Variants in COL10A1 observed in about 807,000 individuals in gnomAD.
COL10A1 encodes the protein collagen type X alpha 1 chain.
Under a neutral mutation model 18.2 loss-of-function variants are expected in COL10A1, and 10 were observed. That is an observed-to-expected ratio of 0.55 (90% CI 0.34 to 0.93). The LOEUF is 0.93. COL10A1 is among the 40% of genes least tolerant of loss of function. The probability of loss-of-function intolerance (pLI) is 0.02; values close to 1 mark genes in which losing one functional copy is unlikely to be tolerated. For missense variants in COL10A1, 897 were observed against 853.5 expected (o/e 1.05, Z -0.64); for synonymous variants, 330 against 316.6 (o/e 1.04, Z -0.45).
At chr6:116,137,615 T>C (rs921955847) in intron 1 of COL10A1, 1 of 212,696 alleles carries the variant, frequency 4.7e-6, no homozygotes, top group Non-Finnish European at 1.0e-5. Flanking sequence ...CGTGCCTCAG[T>C]AGTGGGAAAC....
At chr6:116,163,135 AAAAAAAATATAT>A (rs1463767962), upstream of COL10A1, among the ~76,000 whole-genome samples, 2 of 98,572 alleles carry the variant, frequency 2.0e-5, no homozygotes, top group Non-Finnish European at 4.0e-5. Flanking sequence ...TCAAAAAAAA[AAAAAAAATATAT>A]ATATATATAT....
rs373653304 is a variant in COL10A1 at position 116,125,586 on chromosome 6, C to G, written c.-15-79G>C. On this transcript the variant is annotated intron_variant, in intron 1 of 2. Transcript: ENST00000651968. ...TATTCTCATGTTTCACAGATGAGTT[C>G]TTTATACAGTTATCTACTTTTTTAA... 320 of 1,273,516 alleles carry G rather than the reference C, an allele frequency of 2.5e-4. 1 individual carries two copies. In the South Asian group the frequency reaches 3.5e-3, roughly 14 times the overall value. 78.9% of individuals were successfully genotyped at this position (1,273,516 alleles called of 1,614,324 possible). A position where few individuals can be genotyped will look rare whatever the true frequency, so the allele number is the denominator to read the frequency against.
intron 1 of COL10A1, among the ~76,000 whole-genome samples, chr6:116,139,624 G>T (rs564069075): frequency 7.0e-4 from 106 of 152,126 alleles, no homozygotes; most frequent in African/African-American, 2.5e-3. Context: ...TTAAAATTTG[G>T]TTGTTTTACT....
chr6:116,196,659 T>C, the COL10A1 span, among the ~76,000 whole-genome samples: 1 of 152,042 alleles, frequency 6.6e-6, no homozygotes, highest in Non-Finnish European at 1.5e-5. Context: ...ATAGTGTTTC[T>C]TTGTGTCTGC....
At chr6:116,172,393 C>G in the COL10A1 span, among the ~76,000 whole-genome samples, 1 of 142,592 alleles carries the variant, frequency 7.0e-6, no homozygotes, top group Non-Finnish European at 1.5e-5. Context: ...ACAATCTTGG[C>G]TCGCTGCAAC....
the COL10A1 span, among the ~76,000 whole-genome samples, chr6:116,198,359 TG>T: frequency 1.3e-5 from 2 of 152,054 alleles, no homozygotes; most frequent in African/African-American, 2.4e-5. Flanking sequence ...GACCATTATA[TG>T]TAACTGTGCT....
the COL10A1 span, among the ~76,000 whole-genome samples, chr6:116,168,765 A>G: frequency 1.3e-5 from 2 of 152,088 alleles, no homozygotes; most frequent in African/African-American, 4.8e-5. Flanking sequence ...ACTTTTCTAC[A>G]GAGAAAAATG....
the COL10A1 span, among the ~76,000 whole-genome samples, chr6:116,201,731 G>A: frequency 2.0e-5 from 3 of 151,966 alleles, no homozygotes; most frequent in Non-Finnish European, 2.9e-5. Flanking sequence ...ACATGCAGCC[G>A]AAAGAAACAC....
intron 1 of COL10A1, among the ~76,000 whole-genome samples, chr6:116,143,758 G>A (rs944851395): frequency 4.6e-5 from 7 of 152,102 alleles, no homozygotes; most frequent in Admixed American, 3.3e-4. Context: ...TAGGAAGTAA[G>A]TTATTCAGTC....
At chr6:116,211,086 T>C in the COL10A1 span, among the ~76,000 whole-genome samples, 3 of 152,032 alleles carry the variant, frequency 2.0e-5, no homozygotes, top group Non-Finnish European at 4.4e-5. Flanking sequence ...CTTAAAACAC[T>C]TGCTCTGGGG....
At chr6:116,132,623 A>G (rs1400684289) in intron 1 of COL10A1, among the ~76,000 whole-genome samples, 1 of 152,120 alleles carries the variant, frequency 6.6e-6, no homozygotes, top group Non-Finnish European at 1.5e-5. Context: ...TTTATTATGC[A>G]CATCCCCTGG....
chr6:116,147,711 A>G (rs143484859), intron 1 of COL10A1, among the ~76,000 whole-genome samples: 1 of 152,214 alleles, frequency 6.6e-6, no homozygotes, highest in South Asian at 2.1e-4. Flanking sequence ...TTAAATGCAC[A>G]TTCACCCAAG....
In COL10A1 at chr6:116,145,785, TA is replaced by T. The variant is rs369815320; in HGVS notation, c.-16+12828del. On this transcript the variant is annotated intron_variant, in intron 1 of 1. Coordinates refer to the COL10A1 transcript ENST00000418500. The stretch of plus-strand genomic sequence containing the variant: ...ACCAATTCATTTTTTATTTAGTTTT[TA>T]ATTTACTATTTTATTTTTAGCAGTA... 2.6e-3 allele frequency among the ~76,000 whole-genome samples: 395 copies of T among 152,380 alleles called. 10 individuals carry two copies. In the South Asian group the frequency reaches 0.043, roughly 17 times the overall value.
intron 1 of COL10A1, among the ~76,000 whole-genome samples, chr6:116,144,995 A>G (rs957791173): frequency 5.9e-5 from 9 of 152,216 alleles, no homozygotes; most frequent in African/African-American, 2.2e-4. Flanking sequence ...GTTCAATTAG[A>G]GAATGTATTA....
chr6:116,211,736 A>G, the COL10A1 span, among the ~76,000 whole-genome samples: 1 of 152,078 alleles, frequency 6.6e-6, no homozygotes, highest in African/African-American at 2.4e-5. Flanking sequence ...AGACATTTTT[A>G]TAAGATTTTT....
chr6:116,166,571 G>T, the COL10A1 span, among the ~76,000 whole-genome samples: 2 of 152,154 alleles, frequency 1.3e-5, no homozygotes, highest in African/African-American at 2.4e-5. Context: ...TCCTGGCATC[G>T]ATCTCCATTT....
upstream of COL10A1, among the ~76,000 whole-genome samples, chr6:116,160,171 G>A (rs571013407): frequency 3.3e-5 from 5 of 152,112 alleles, no homozygotes; most frequent in South Asian, 8.3e-4. Context: ...TCTACTTTTA[G>A]TTATTTGAGA....
the COL10A1 span, among the ~76,000 whole-genome samples, chr6:116,198,636 C>T: frequency 3.9e-5 from 6 of 151,972 alleles, no homozygotes; most frequent in African/African-American, 1.2e-4. Flanking sequence ...GAGGCTGAGG[C>T]AGGATTGCTT....
chr6:116,129,150 C>T (rs2082706518), upstream of COL10A1, among the ~76,000 whole-genome samples: 8 of 152,116 alleles, frequency 5.3e-5, no homozygotes, highest in South Asian at 4.2e-4. Flanking sequence ...ATGTCATCAT[C>T]GTATTAAAAA....
Sources: gnomAD v4.1 joint callset for allele counts (sites outside exome capture counted in the v4.1 genomes callset) on GRCh38, gnomAD v4.1.1 for gene constraint, MANE v1.5 for transcripts, NCBI Gene and HGNC (gene_info 2026-07-23, HGNC 2026-07-21) for gene names.